Variants in DLC1 observed in about 807,000 individuals in gnomAD.
DLC1 encodes the protein DLC1 Rho GTPase activating protein.
Under a neutral mutation model 140.3 loss-of-function variants are expected in DLC1, and 54 were observed. The observed-to-expected ratio is 0.38, with a 90% CI of 0.31 to 0.48. The LOEUF is 0.48. Among genes scored for constraint, DLC1 ranks in the 20% least tolerant of loss-of-function variants. DLC1 has a pLI of 0.96. For synonymous variants in DLC1, 986 were observed against 728.1 expected (o/e 1.35, Z -5.70); for missense variants, 2,536 against 1,907.0 (o/e 1.33, Z -6.14).
chr8:13,469,541 T>C (rs1336350673), intron 2 of DLC1, among the ~76,000 whole-genome samples: 1 of 152,188 alleles, frequency 6.6e-6, no homozygotes, highest in Non-Finnish European at 1.5e-5. Flanking sequence ...GAGTCTAGGC[T>C]TGGGGCTGAC....
chr8:13,123,360 C>T (rs191799145), intron 5 of DLC1, among the ~76,000 whole-genome samples: 1 of 151,574 alleles, frequency 6.6e-6, no homozygotes, highest in Non-Finnish European at 1.5e-5. Flanking sequence ...TGGTTGTTGA[C>T]AAGGAGTCTC....
intron 6 of DLC1, among the ~76,000 whole-genome samples, chr8:13,113,685 T>A (rs1242652717): frequency 2.0e-5 from 3 of 152,176 alleles, no homozygotes; most frequent in Non-Finnish European, 4.4e-5. Flanking sequence ...GAATTGAAAA[T>A]CCAATAGAAT....
intron 5 of DLC1, among the ~76,000 whole-genome samples, chr8:13,200,677 T>A (rs1296194775): frequency 6.6e-6 from 1 of 152,016 alleles, no homozygotes; most frequent in East Asian, 1.9e-4. Flanking sequence ...CAGTCATAAG[T>A]CGCTGCAGCC....
At chr8:13,225,501 C>G (rs1017763128) in intron 5 of DLC1, among the ~76,000 whole-genome samples, 5 of 152,092 alleles carry the variant, frequency 3.3e-5, no homozygotes, top group African/African-American at 1.2e-4. Context: ...AAATATGTAG[C>G]ACATGGGAGA....
chr8:13,203,331 A>C (rs954210742), intron 5 of DLC1, among the ~76,000 whole-genome samples: 2 of 152,176 alleles, frequency 1.3e-5, no homozygotes, highest in Non-Finnish European at 2.9e-5. Context: ...TACCTGGGCT[A>C]CTCAGCCAAA....
At chr8:13,571,860 C>A (rs1312269611) in intron 1 of DLC1, among the ~76,000 whole-genome samples, 1 of 152,114 alleles carries the variant, frequency 6.6e-6, no homozygotes, top group East Asian at 1.9e-4. Flanking sequence ...CACGTCCTTG[C>A]CAACACTTTT....
chr8:13,292,132 T>C (rs3860048), intron 5 of DLC1, among the ~76,000 whole-genome samples: 73,923 of 151,952 alleles, frequency 0.49, 18,397 homozygotes, highest in Non-Finnish European at 0.53. Flanking sequence ...TTTTAAAAAG[T>C]TGGCTTCCAT....
rs147223465 is a variant in DLC1 at position 13,135,159 on chromosome 8, G to T, written c.1349-19502C>A. Among the ~76,000 whole-genome samples the T allele has an allele frequency of 8.3e-3, 1,251 of 151,568 alleles. 26 individuals carry two copies. Among genetic ancestry groups the T allele is most frequent in the African/African-American group, 0.028 (1,167 of 41,258 alleles). On this transcript the variant is annotated intron_variant, in intron 5 of 17. Coordinates refer to ENST00000276297, the MANE Select transcript of DLC1 (RefSeq NM_182643.3). Reference sequence around the variant, plus strand: ...AGCAAGAAGTTTCAGTCCCCTGCGTGACTATGTTAAGGAAAGTCCTTAGGA... The same window carrying T: ...AGCAAGAAGTTTCAGTCCCCTGCGTTACTATGTTAAGGAAAGTCCTTAGGA...
intron 1 of DLC1, among the ~76,000 whole-genome samples, chr8:13,580,243 C>T (rs1299209198): frequency 2.0e-5 from 3 of 152,070 alleles, no homozygotes; most frequent in Admixed American, 6.5e-5. Flanking sequence ...CTGCCTCAGC[C>T]TCCCGAGTAG....
rs577071108 is a variant in DLC1 at position 13,270,128 on chromosome 8, A to G, written c.1348+35141T>C. ...AACTATACCTAAATAATTCATTTGAAATAGAGAACTTCCAGAGGAATGTTC... is the reference window on the plus strand; with the variant it reads ...AACTATACCTAAATAATTCATTTGAGATAGAGAACTTCCAGAGGAATGTTC... On this transcript the variant is annotated intron_variant, in intron 5 of 17. Coordinates refer to ENST00000276297, the MANE Select transcript of DLC1 (RefSeq NM_182643.3). Among the ~76,000 whole-genome samples, 10 of 152,310 alleles carry G rather than the reference A, an allele frequency of 6.6e-5. No individual in the cohort carries two copies. In the South Asian group the frequency reaches 2.1e-3, roughly 32 times the overall value.
chr8:13,417,890 A>G lies in DLC1; in HGVS notation c.1024-16271T>C, dbSNP rs562917081. Among the ~76,000 whole-genome samples, 25 of 152,264 alleles carry G rather than the reference A, an allele frequency of 1.6e-4. No individual in the cohort carries two copies. In the East Asian group the frequency reaches 4.4e-3, roughly 27 times the overall value. ...AGCACCTGTTGTTTCCTGACTTTTTAATGATTGCCGTCATTCTAACTCGTG... is the reference window on the plus strand; with the variant it reads ...AGCACCTGTTGTTTCCTGACTTTTTGATGATTGCCGTCATTCTAACTCGTG... On this transcript the variant is annotated intron_variant, in intron 2 of 17. Transcript: ENST00000276297.
chr8:13,516,563 C>T (rs1207092177), upstream of DLC1, among the ~76,000 whole-genome samples: 1 of 152,092 alleles, frequency 6.6e-6, no homozygotes, highest in Non-Finnish European at 1.5e-5. Flanking sequence ...GCAAGAATGA[C>T]TTATACTGTG....
chr8:13,104,901 C>T, intron 7 of DLC1, among the ~76,000 whole-genome samples: 1 of 152,160 alleles, frequency 6.6e-6, no homozygotes, highest in East Asian at 1.9e-4. Context: ...GATATAAGGT[C>T]CCTCTATTGG....
At chr8:13,596,975 G>C (rs1369888975) in intron 1 of DLC1, among the ~76,000 whole-genome samples, 1 of 151,814 alleles carries the variant, frequency 6.6e-6, no homozygotes, top group Non-Finnish European at 1.5e-5. Context: ...ACACTCTTTT[G>C]TTTTTTCTAT....
chr8:13,175,451 TC>T (rs767396035), intron 5 of DLC1, among the ~76,000 whole-genome samples: 25 of 152,288 alleles, frequency 1.6e-4, no homozygotes, highest in Non-Finnish European at 2.8e-4. Context: ...GTTCACCTTT[TC>T]TACCTTAAAC....
intron 5 of DLC1, among the ~76,000 whole-genome samples, chr8:13,116,722 A>G (rs2128951505): frequency 6.6e-6 from 1 of 152,342 alleles, no homozygotes; most frequent in East Asian, 1.9e-4. Context: ...AAGAAAGGTA[A>G]TTAAGCAAAT....
chr8:13,087,615 C>T (rs892239626), intron 16 of DLC1, among the ~76,000 whole-genome samples: 1 of 152,192 alleles, frequency 6.6e-6, no homozygotes, highest in African/African-American at 2.4e-5. Context: ...GGTTTATGTG[C>T]TCAGACAGTC....
chr8:13,397,595 G>C (rs940743090), intron 3 of DLC1, among the ~76,000 whole-genome samples: 1 of 151,970 alleles, frequency 6.6e-6, no homozygotes, highest in Non-Finnish European at 1.5e-5. Flanking sequence ...TTGGGAGGCC[G>C]AGGTGGGAAG....
At chr8:13,121,108 T>C (rs1761073232) in intron 5 of DLC1, among the ~76,000 whole-genome samples, 1 of 152,202 alleles carries the variant, frequency 6.6e-6, no homozygotes, top group Non-Finnish European at 1.5e-5. Context: ...AATGCAATTT[T>C]AAGAAATTAA....
Sources: allele counts gnomAD v4.1 joint callset (sites outside exome capture counted in the v4.1 genomes callset), GRCh38; gene constraint gnomAD v4.1.1; transcripts MANE v1.5; gene names NCBI Gene and HGNC (gene_info 2026-07-23, HGNC 2026-07-21).